GSTA1: variants seen among roughly 807,000 people sequenced by gnomAD.
GSTA1 encodes the protein glutathione S-transferase A1.
In GSTA1, 23 loss-of-function variants were observed where a neutral mutation model predicts 21.5. The ratio of observed to expected loss-of-function variants is 1.07; its 90% confidence interval spans 0.77 to 1.52. GSTA1 has a LOEUF of 1.52. GSTA1 is among the 40% of genes most tolerant of loss of function. GSTA1 has a pLI of 0.00. For synonymous variants in GSTA1, 125 were observed against 90.0 expected (o/e 1.39, Z -2.20); for missense variants, 301 against 264.2 (o/e 1.14, Z -0.96).
Position 52,799,442 on chromosome 6 carries a change from T to G in GSTA1, c.-30-145A>C. 8.4e-6 allele frequency: 5 copies of G among 594,110 alleles called. No homozygotes were observed. The South Asian group carries it at 1.2e-4, about 14-fold the overall frequency. The allele number at this position is 594,110 out of a possible 1,614,324, so 36.8% of individuals were successfully genotyped here. A position where few individuals can be genotyped will look rare whatever the true frequency, so the allele number is the denominator to read the frequency against. The stretch of plus-strand genomic sequence containing the variant: ...TTGGAGGAGTTCCTGGAATGTTTTC[T>G]TGGCTCAAATTGTTACCCAGCAGTG... On this transcript the variant is annotated intron_variant, in intron 1 of 6. Transcript: ENST00000334575.
intron 3 of GSTA1, among the ~76,000 whole-genome samples, chr6:52,796,768 C>G (rs116328478): frequency 1.3e-5 from 2 of 151,190 alleles, no homozygotes; most frequent in East Asian, 3.9e-4. Flanking sequence ...GTCTCAAATT[C>G]CTGAACTGAA....
chr6:52,792,861 G>A lies in GSTA1; in HGVS notation c.541C>T (p.Leu181=). 6.2e-7 allele frequency: 1 copy of A among 1,613,950 alleles called. No individual in the cohort carries two copies. The highest frequency in any genetic ancestry group is 8.5e-7 in the Non-Finnish European group (1 of 1,179,894). ...TGGGCTGTGAAATGGGTCACCTTCA[G>A]CAGAGGGAAGCTGGAGATAAGACTG... ...DSSLISSFPL[L]KALKTRISNL... Residue 181 remains leucine, a synonymous_variant, in exon 6 of 7, where the codon CTG becomes TTG. Transcript: ENST00000334575.
chr6:52,794,730 C>A (rs1436952903), intron 4 of GSTA1, among the ~76,000 whole-genome samples: 1 of 152,146 alleles, frequency 6.6e-6, no homozygotes, highest in Middle Eastern at 3.2e-3. Context: ...GCTCCCAGGG[C>A]TGCTTCTATG....
intron 4 of GSTA1, among the ~76,000 whole-genome samples, chr6:52,795,004 T>C (rs1020048084): frequency 6.6e-6 from 1 of 152,248 alleles, no homozygotes; most frequent in African/African-American, 2.4e-5. Context: ...TATATTATAC[T>C]ATTGAGTGGT....
chr6:52,801,791 G>A (rs867782670), intron 1 of GSTA1, among the ~76,000 whole-genome samples: 6 of 152,056 alleles, frequency 3.9e-5, no homozygotes, highest in Non-Finnish European at 5.9e-5. Context: ...TTTACCTTCC[G>A]CAACAACCCT....
chr6:52,799,396 C>A lies in GSTA1; in HGVS notation c.-30-99G>T, dbSNP rs184135208. On this transcript the variant is annotated intron_variant, in intron 1 of 6. Transcript: ENST00000334575. Reference sequence around the variant, plus strand: ...AACCACCAACAATACTGAAGAAGAACCTTCCTTCTTCATGACTGTGTTGGA... The same window carrying A: ...AACCACCAACAATACTGAAGAAGAAACTTCCTTCTTCATGACTGTGTTGGA... 736 of 755,590 alleles carry A rather than the reference C, an allele frequency of 9.7e-4. 8 individuals are homozygous for A. In the African/African-American group the frequency reaches 0.011, roughly 12 times the overall value. 46.8% of individuals were successfully genotyped at this position (755,590 alleles called of 1,614,324 possible). A position where few individuals can be genotyped will look rare whatever the true frequency, so the allele number is the denominator to read the frequency against.
chr6:52,799,634 T>G (rs961491997), intron 1 of GSTA1, among the ~76,000 whole-genome samples: 1 of 152,230 alleles, frequency 6.6e-6, no homozygotes, highest in Non-Finnish European at 1.5e-5. Context: ...TAGTGATCCT[T>G]CCTCAATGCT....
intron 1 of GSTA1, among the ~76,000 whole-genome samples, chr6:52,799,793 C>T (rs9474324): frequency 6.6e-6 from 1 of 152,310 alleles, no homozygotes; most frequent in Admixed American, 6.5e-5. Flanking sequence ...AATATCTACA[C>T]CAAGGACTAA....
rs70977384 is a variant in GSTA1 at position 52,796,455 on chromosome 6, CTATATA to C, written c.140-147_140-142del. On this transcript the variant is annotated intron_variant, in intron 3 of 6. Transcript: ENST00000334575. ...GGTAAGATTTCACTTGAAACAAAAA[CTATATA>C]TATATATATATATATATATATATAT... 10 of 252,434 alleles carry C rather than the reference CTATATA, an allele frequency of 4.0e-5. No homozygotes were observed. The African/African-American group carries it at 6.6e-4, about 17-fold the overall frequency. 15.6% of individuals were successfully genotyped at this position (252,434 alleles called of 1,614,324 possible).
intron 4 of GSTA1, among the ~76,000 whole-genome samples, chr6:52,794,591 T>C (rs1320132845): frequency 8.5e-5 from 13 of 152,134 alleles, no homozygotes; most frequent in Non-Finnish European, 1.9e-4. Context: ...ATCATCTCCA[T>C]TGTGGTTTGT....
At position 52,799,185 on chromosome 6, in the gene GSTA1, A is replaced by G; in HGVS notation, c.83T>C (p.Val28Ala). Residue 28 changes from valine (V) to alanine (A), a missense_variant, in exon 2 of 7, where the codon GTA becomes GCA. By Grantham distance (64) the Val-to-Ala change is moderately conservative. Transcript: ENST00000334575. ...ATGACCTAACTCAGAACCTACCTCTACTCCAGCTGCAGCCAGGAGCCACCG... is the reference window on the plus strand; with the variant it reads ...ATGACCTAACTCAGAACCTACCTCTGCTCCAGCTGCAGCCAGGAGCCACCG... ...STRWLLAAAGVEFEEKFIKSA... is the reference protein window; with the variant it reads ...STRWLLAAAGAEFEEKFIKSA... The G allele has an allele frequency of 6.2e-7, 1 of 1,613,284 alleles. No individual in the cohort carries two copies.
At chr6:52,792,800 C>G (rs1561910158) in intron 6 of GSTA1, 56 bp downstream of exon 6, 1 of 1,612,704 alleles carries the variant, frequency 6.2e-7, no homozygotes, top group Non-Finnish European at 8.5e-7. Context: ...GGCCCAGATA[C>G]AAGATCCCAA....
chr6:52,794,393 A>G (rs1763530111), intron 4 of GSTA1, 127 bp from the exon 5 acceptor site: 1 of 824,892 alleles, frequency 1.2e-6, no homozygotes. Context: ...TGCCTTTTAT[A>G]GTCTAGTCAT....
rs1763470399 is a variant in GSTA1, at chr6:52,791,964, A to T, written c.563T>A (p.Ile188Asn). 6.2e-7 allele frequency: 1 copy of T among 1,613,804 alleles called. No individual in the cohort carries two copies. Among genetic ancestry groups the T allele is most frequent in the East Asian group, 2.2e-5 (1 of 44,896 alleles). The change falls in exon 7 of 7, where the codon ATC becomes AAC. Residue 188 changes from isoleucine to asparagine, a missense_variant. By Grantham distance (149) the Ile-to-Asn change is moderately radical (BLOSUM62 -3). Coordinates refer to ENST00000334575, the MANE Select transcript of GSTA1 (RefSeq NM_145740.5). ...FPLLKALKTR[I>N]SNLPTVKKFL... is the part of the protein sequence containing the mutation. ...CTTCTTCACTGTGGGCAGGTTGCTG[A>T]TTCTGGTTTTCAGGGCCTGTAATTC...
chr6:52,795,513 C>A (rs1243041838), intron 4 of GSTA1, among the ~76,000 whole-genome samples: 1 of 152,032 alleles, frequency 6.6e-6, no homozygotes, highest in Non-Finnish European at 1.5e-5. Flanking sequence ...ATTGGTAATA[C>A]TATATTAAAG....
chr6:52,799,404 C>T (rs1299213293), intron 1 of GSTA1, 107 bp from the exon 2 acceptor site: 9 of 715,320 alleles, frequency 1.3e-5, no homozygotes, highest in Admixed American at 3.2e-5. Context: ...AACCTTCCTT[C>T]TTCATGACTG....
chr6:52,797,813 G>A (rs1323778840), intron 2 of GSTA1, among the ~76,000 whole-genome samples, 176 bp from the exon 3 acceptor site: 1 of 152,140 alleles, frequency 6.6e-6, no homozygotes, highest in Non-Finnish European at 1.5e-5. Context: ...ATTGAGAAAA[G>A]TGCATGGGTC....
chr6:52,793,042 C>G (rs1447616346), intron 5 of GSTA1, 55 bp from the exon 6 acceptor site: 12 of 1,612,168 alleles, frequency 7.4e-6, no homozygotes, highest in Admixed American at 5.0e-5. Context: ...GCTAGGACCC[C>G]TGCTTCTTTC....
chr6:52,792,155 A>G (rs1763474133), intron 6 of GSTA1, among the ~76,000 whole-genome samples, 175 bp from the exon 7 acceptor site: 1 of 152,252 alleles, frequency 6.6e-6, no homozygotes, highest in Non-Finnish European at 1.5e-5. Context: ...AAGGACATGT[A>G]GCTCACTTTA....
Sources: allele counts gnomAD v4.1 joint callset (sites outside exome capture counted in the v4.1 genomes callset), GRCh38; gene constraint gnomAD v4.1.1; transcripts MANE v1.5; gene names NCBI Gene and HGNC (gene_info 2026-07-23, HGNC 2026-07-21).